Variants in NDUFAF6 observed in about 807,000 individuals in gnomAD.
The protein encoded by NDUFAF6 is NADH dehydrogenase (ubiquinone) complex I, assembly factor 6.
Under a neutral mutation model 40.8 loss-of-function variants are expected in NDUFAF6, and 45 were observed. The observed-to-expected ratio is 1.10, with a 90% CI of 0.87 to 1.42. NDUFAF6 has a LOEUF of 1.42. Ranked by LOEUF, NDUFAF6 falls within the 40% of genes most tolerant of loss-of-function variation. NDUFAF6 has a pLI of 0.00. For missense variants in NDUFAF6, 435 were observed against 418.5 expected (o/e 1.04, Z -0.34); for synonymous variants, 185 against 155.9 (o/e 1.19, Z -1.39).
intron 2 of NDUFAF6, among the ~76,000 whole-genome samples, chr8:95,016,067 T>G (rs989717947): frequency 1.3e-5 from 2 of 152,228 alleles, no homozygotes; most frequent in African/African-American, 4.8e-5. Context: ...TCAAATGAAC[T>G]AAATCATACA....
At chr8:95,015,501 T>A (rs1437709871) in intron 2 of NDUFAF6, among the ~76,000 whole-genome samples, 1 of 152,224 alleles carries the variant, frequency 6.6e-6, no homozygotes, top group East Asian at 1.9e-4. Flanking sequence ...TAGTCCTAAC[T>A]GCGGTACACT....
chr8:95,092,748 C>T (rs964340443), intron 2 of NDUFAF6, among the ~76,000 whole-genome samples: 2 of 152,048 alleles, frequency 1.3e-5, no homozygotes, highest in African/African-American at 4.8e-5. Context: ...CCACGCCCGG[C>T]TAATTTTTTG....
chr8:95,066,272 T>C, intron 9 of NDUFAF6, among the ~76,000 whole-genome samples: 1 of 146,718 alleles, frequency 6.8e-6, no homozygotes, highest in Non-Finnish European at 1.5e-5. Context: ...CCATCATGCC[T>C]GGCTTGCTTG....
intron 2 of NDUFAF6, among the ~76,000 whole-genome samples, chr8:95,088,985 C>CT (rs1412264487): frequency 6.6e-6 from 1 of 152,028 alleles, no homozygotes; most frequent in African/African-American, 2.4e-5. Flanking sequence ...TGGTCTTGAA[C>CT]TTCTGACCTC....
At chr8:95,009,606 G>A (rs1827146790) in intron 2 of NDUFAF6, among the ~76,000 whole-genome samples, 1 of 152,136 alleles carries the variant, frequency 6.6e-6, no homozygotes, top group Non-Finnish European at 1.5e-5. Context: ...TTCCTAAGAG[G>A]CTGAGAAAGC....
chr8:95,042,224 C>T (rs1830225639), intron 4 of NDUFAF6, among the ~76,000 whole-genome samples: 1 of 152,206 alleles, frequency 6.6e-6, no homozygotes, highest in African/African-American at 2.4e-5. Context: ...CCAGCCAAGT[C>T]AGTGAATTGC....
intron 1 of NDUFAF6, among the ~76,000 whole-genome samples, chr8:94,967,410 C>A (rs184431811): frequency 3.3e-5 from 5 of 152,202 alleles, no homozygotes; most frequent in Non-Finnish European, 7.3e-5. Flanking sequence ...AGAAAAAGTC[C>A]TGAAATTCAT....
At chr8:95,075,193 C>T (rs1041861738) in intron 9 of NDUFAF6, among the ~76,000 whole-genome samples, 4 of 152,146 alleles carry the variant, frequency 2.6e-5, no homozygotes, top group East Asian at 1.9e-4. Flanking sequence ...ATTTTTCTAG[C>T]GTGCTCTAAA....
At chr8:95,054,958 G>A (rs1031771069) in intron 8 of NDUFAF6, among the ~76,000 whole-genome samples, 2 of 152,194 alleles carry the variant, frequency 1.3e-5, no homozygotes, top group African/African-American at 2.4e-5. Context: ...CATAGATGAG[G>A]TTTCAAGAAT....
chr8:95,098,343 G>A (rs1809535833), upstream of NDUFAF6, among the ~76,000 whole-genome samples: 1 of 150,908 alleles, frequency 6.6e-6, no homozygotes, highest in African/African-American at 2.4e-5. Context: ...GACCAGACTG[G>A]CCAACATAGT....
chr8:94,977,835 T>C (rs769320312), intron 1 of NDUFAF6, among the ~76,000 whole-genome samples: 77 of 152,094 alleles, frequency 5.1e-4, no homozygotes, highest in African/African-American at 1.5e-3. Flanking sequence ...CTAGGGAATA[T>C]CTGTTCTGGG....
At chr8:94,997,455 C>T (rs1288466309) in intron 2 of NDUFAF6, among the ~76,000 whole-genome samples, 1 of 151,990 alleles carries the variant, frequency 6.6e-6, no homozygotes, top group East Asian at 1.9e-4. Context: ...CTTAGAACAT[C>T]ATGATGATAT....
At chr8:95,101,008 T>C (rs1809631966) in intron 1 of NDUFAF6, 1 of 152,210 alleles carries the variant, frequency 6.6e-6, no homozygotes. Flanking sequence ...TTAATTTACC[T>C]ATTTGTTTAA....
At chr8:95,011,854 C>A (rs7818688) in intron 2 of NDUFAF6, among the ~76,000 whole-genome samples, 19,648 of 152,138 alleles carry the variant, frequency 0.13, 1,309 homozygotes, top group Middle Eastern at 0.23. Flanking sequence ...ACTCAAAAGT[C>A]TAGTAAGTAT....
At position 95,082,650 on chromosome 8, in the gene NDUFAF6, TG is replaced by T. The variant is rs546721414; in HGVS notation, n.213+6899del. On this transcript the variant is annotated intron_variant and non_coding_transcript_variant, in intron 2 of 5. Coordinates refer to the NDUFAF6 transcript ENST00000523184. ...CATTCTTTTTGTTTGTTTGTTTGTT[TG>T]TTTTGTTTTGTTTTGTTTTGTTTTT... Among the ~76,000 whole-genome samples, 330 of 149,558 alleles carry T rather than the reference TG, an allele frequency of 2.2e-3. 2 individuals are homozygous for T. The highest frequency in any genetic ancestry group is 8.2e-3 in the African/African-American group (321 of 39,384).
intron 1 of NDUFAF6, among the ~76,000 whole-genome samples, chr8:94,932,480 A>C (rs1243058542): frequency 6.6e-6 from 1 of 152,230 alleles, no homozygotes; most frequent in Non-Finnish European, 1.5e-5. Flanking sequence ...CCTGATTTCC[A>C]CCTTGATTTA....
chr8:95,059,602 A>G (rs1832516191), downstream of NDUFAF6, among the ~76,000 whole-genome samples: 1 of 152,090 alleles, frequency 6.6e-6, no homozygotes, highest in African/African-American at 2.4e-5. Context: ...TCATCCCAAC[A>G]CTTTGGGAGG....
intron 2 of NDUFAF6, among the ~76,000 whole-genome samples, chr8:95,009,335 C>A (rs1276037112): frequency 2.0e-5 from 3 of 149,872 alleles, no homozygotes; most frequent in Non-Finnish European, 3.0e-5. Context: ...GCAAATATCA[C>A]TCACTCACAT....
upstream of NDUFAF6, among the ~76,000 whole-genome samples, chr8:94,954,380 G>T (rs1822895746): frequency 6.6e-6 from 1 of 152,098 alleles, no homozygotes; most frequent in Non-Finnish European, 1.5e-5. Context: ...GTTATTTAAT[G>T]AGCACTTACT....
Sources: gnomAD v4.1 joint callset for allele counts (sites outside exome capture counted in the v4.1 genomes callset) on GRCh38, gnomAD v4.1.1 for gene constraint, MANE v1.5 for transcripts, NCBI Gene and HGNC (gene_info 2026-07-23, HGNC 2026-07-21) for gene names.